The following SOS2 variants were observed in gnomAD, a reference collection of about 807,000 sequenced individuals.
SOS2 encodes the protein SOS Ras/Rho guanine nucleotide exchange factor 2.
Under a neutral mutation model 148.2 loss-of-function variants are expected in SOS2, and 65 were observed. The observed-to-expected ratio is 0.44, with a 90% CI of 0.36 to 0.54. SOS2 has a LOEUF of 0.54. Ranked by LOEUF, SOS2 falls within the 20% of genes least tolerant of loss-of-function variation. The probability of loss-of-function intolerance (pLI) is 0.00; values close to 1 mark genes in which losing one functional copy is unlikely to be tolerated. For synonymous variants in SOS2, 539 were observed against 537.1 expected (o/e 1.00, Z -0.05); for missense variants, 1,341 against 1,590.2 (o/e 0.84, Z 2.67).
At chr14:50,162,188 C>T (rs1885031622) in intron 8 of SOS2, among the ~76,000 whole-genome samples, 1 of 151,938 alleles carries the variant, frequency 6.6e-6, no homozygotes, top group African/African-American at 2.4e-5. Context: ...GGGTCTTACT[C>T]ACTCCGTCAC....
At chr14:50,230,154 T>C (rs563817579) in intron 1 of SOS2, among the ~76,000 whole-genome samples, 2 of 152,362 alleles carry the variant, frequency 1.3e-5, no homozygotes, top group South Asian at 2.1e-4. Flanking sequence ...AAAATGTCTT[T>C]AACTTTAAAA....
chr14:50,177,977 A>G (rs1180537353), intron 7 of SOS2, among the ~76,000 whole-genome samples: 1 of 152,226 alleles, frequency 6.6e-6, no homozygotes, highest in Non-Finnish European at 1.5e-5. Context: ...ACCAGTATAT[A>G]GACATGAAGT....
intron 1 of SOS2, among the ~76,000 whole-genome samples, chr14:50,213,905 A>G (rs1407388768): frequency 1.3e-5 from 2 of 151,458 alleles, no homozygotes; most frequent in East Asian, 3.9e-4. Context: ...AAAAAAAAAA[A>G]GAGAAAAAAG....
intron 1 of SOS2, among the ~76,000 whole-genome samples, chr14:50,218,557 A>C (rs1249350946): frequency 6.6e-6 from 1 of 152,042 alleles, no homozygotes. Flanking sequence ...CAAAAAAACA[A>C]AACAACTCAA....
rs2064667 is a variant in SOS2, at chr14:50,145,127, C to T, written c.2667+43G>A. On this transcript the variant is annotated intron_variant, in intron 16 of 22. Coordinates refer to ENST00000216373, the MANE Select transcript of SOS2 (RefSeq NM_006939.4). ...GATGAAATTTCTTTTATGCTAATTTCATCATCCCCGAGAAAAATGAAAAAG... is the reference window on the plus strand; with the variant it reads ...GATGAAATTTCTTTTATGCTAATTTTATCATCCCCGAGAAAAATGAAAAAG... 0.87 allele frequency: 1,039,418 copies of T among 1,191,486 alleles called. 454,194 individuals are homozygous for T. Among genetic ancestry groups the T allele is most frequent in the East Asian group, 0.92 (32,781 of 35,598 alleles). 73.8% of individuals were successfully genotyped at this position (1,191,486 alleles called of 1,614,324 possible).
chr14:50,121,877 T>A (rs1213977431), intron 21 of SOS2, among the ~76,000 whole-genome samples: 3 of 152,190 alleles, frequency 2.0e-5, no homozygotes, highest in African/African-American at 7.2e-5. Flanking sequence ...TTGGGAGAAC[T>A]CCTTTCGGTG....
chr14:50,230,883 G>A (rs950527587), intron 1 of SOS2: 5 of 1,044,266 alleles, frequency 4.8e-6, no homozygotes, highest in Admixed American at 5.5e-5. Flanking sequence ...AAATACCAGC[G>A]GGACTTTCTC....
chr14:50,161,012 T>TA (rs914758069), intron 9 of SOS2, among the ~76,000 whole-genome samples: 2 of 140,794 alleles, frequency 1.4e-5, no homozygotes, highest in East Asian at 4.3e-4. Context: ...CCCTGTCTCT[T>TA]AAAAAAAAGA....
intron 4 of SOS2, among the ~76,000 whole-genome samples, chr14:50,197,661 CT>C (rs1886354108): frequency 6.6e-6 from 1 of 151,120 alleles, no homozygotes; most frequent in Admixed American, 6.6e-5. Flanking sequence ...TTGCCATGGC[CT>C]CTCTTGAATA....
intron 16 of SOS2, among the ~76,000 whole-genome samples, chr14:50,142,975 G>C (rs571890921): frequency 4.7e-4 from 71 of 151,998 alleles, no homozygotes; most frequent in African/African-American, 1.7e-3. Flanking sequence ...AGTCTTTCCA[G>C]GTACAAAAGC....
At chr14:50,215,701 TG>T (rs1887022830) in intron 1 of SOS2, among the ~76,000 whole-genome samples, 1 of 151,588 alleles carries the variant, frequency 6.6e-6, no homozygotes, top group African/African-American at 2.4e-5. Flanking sequence ...AATGTGCACA[TG>T]TACCCTAAAA....
chr14:50,124,146 C>G (rs1486547298), intron 21 of SOS2, among the ~76,000 whole-genome samples: 1 of 152,044 alleles, frequency 6.6e-6, no homozygotes, highest in African/African-American at 2.4e-5. Context: ...GTCTAGAAGT[C>G]AGAAGAGAGG....
At chr14:50,180,535 A>T (rs1377803509) in intron 7 of SOS2, 37 bp downstream of exon 7, 41 of 401,080 alleles carry the variant, frequency 1.0e-4, no homozygotes, top group Middle Eastern at 5.9e-4. Context: ...TGCTTTATTA[A>T]AAAAAAAAAA....
Position 50,153,106 on chromosome 14 carries a change from G to T in SOS2, c.2125C>A (p.Leu709Ile). 2 of 1,599,460 alleles carry T rather than the reference G, an allele frequency of 1.3e-6. No individual in the cohort carries two copies. The highest frequency in any genetic ancestry group is 1.7e-6 in the Non-Finnish European group (2 of 1,168,114). Residue 709 changes from leucine (L) to isoleucine (I), a missense_variant, in exon 13 of 23, where the codon CTT (leucine) becomes ATT (isoleucine). Transcript: ENST00000216373. ...GAAATGAAGGATTCTAGTCTTTCAA[G>T]CAATTCCAAGTCTCTTTCAAAGTCA... ...FYDFERDLEL[L>I]ERLESFISSV...
chr14:50,174,827 A>C (rs1463052244), intron 7 of SOS2, among the ~76,000 whole-genome samples: 1 of 152,202 alleles, frequency 6.6e-6, no homozygotes, highest in African/African-American at 2.4e-5. Context: ...TGGCTTCCAT[A>C]TACCCTAAAG....
intron 18 of SOS2, 151 bp downstream of exon 18, chr14:50,138,461 T>TG: frequency 4.9e-6 from 2 of 406,890 alleles, no homozygotes; most frequent in Non-Finnish European, 8.7e-6. Flanking sequence ...GTGCCTGGCC[T>TG]CTTACAGTTA....
chr14:50,219,038 G>A (rs542196170), intron 1 of SOS2, among the ~76,000 whole-genome samples: 13 of 152,026 alleles, frequency 8.6e-5, no homozygotes, highest in East Asian at 3.9e-4. Context: ...ACTTGAACCC[G>A]GGAAGCGGAG....
Position 50,132,690 on chromosome 14 carries a change from G to C in SOS2, c.3075+1433C>G, listed in dbSNP as rs146128140. Among the ~76,000 whole-genome samples, 1,435 of 151,998 alleles carry C rather than the reference G, an allele frequency of 9.4e-3. 17 individuals are homozygous for C. Among genetic ancestry groups the C allele is most frequent in the Non-Finnish European group, 0.015 (988 of 67,904 alleles). Reference sequence around the variant, plus strand: ...AAAACAAAACAAAAACAAAAAGAAAGGTCATGGCAACAGTTTTTTAGGACG... The same window carrying C: ...AAAACAAAACAAAAACAAAAAGAAACGTCATGGCAACAGTTTTTTAGGACG... On this transcript the variant is annotated intron_variant, in intron 19 of 22. Coordinates refer to ENST00000216373, the MANE Select transcript of SOS2 (RefSeq NM_006939.4).
chr14:50,150,472 A>C (rs955356948), intron 13 of SOS2, among the ~76,000 whole-genome samples: 3 of 151,938 alleles, frequency 2.0e-5, no homozygotes, highest in Non-Finnish European at 2.9e-5. Context: ...TAACCACAAC[A>C]CCATTATCAC....
Sources: allele counts gnomAD v4.1 joint callset (sites outside exome capture counted in the v4.1 genomes callset), GRCh38; gene constraint gnomAD v4.1.1; transcripts MANE v1.5; gene names NCBI Gene and HGNC (gene_info 2026-07-23, HGNC 2026-07-21).